NDUFS2: variants seen among roughly 807,000 people sequenced by gnomAD.
The protein encoded by NDUFS2 is NADH dehydrogenase [ubiquinone] iron-sulfur protein 2, mitochondrial.
A neutral mutation model predicts 69.6 loss-of-function variants in NDUFS2; 38 were observed. The observed-to-expected ratio is 0.55, with a 90% confidence interval of 0.42 to 0.72. The LOEUF is 0.72. Ranked by LOEUF, NDUFS2 falls within the 30% of genes least tolerant of loss-of-function variation. The pLI, the probability that NDUFS2 is intolerant of heterozygous loss-of-function variation, is 0.00. For missense variants in NDUFS2, 468 were observed against 595.0 expected (o/e 0.79, Z 2.22); for synonymous variants, 194 against 211.2 (o/e 0.92, Z 0.70).
chr1:161,213,483 G>GA lies in NDUFS2; in HGVS notation c.1212+9dup. On this transcript the variant is annotated intron_variant, in intron 11 of 13. Transcript: ENST00000676972. ...GCCATTGAGGCTCCCAAGGTAAGGA[G>GA]AGGAGGGGAAGGAAAAGACCATATG... 6.2e-7 allele frequency: 1 copy of GA among 1,606,638 alleles called. No individual in the cohort carries two copies. Among genetic ancestry groups the GA allele is most frequent in the Non-Finnish European group, 8.5e-7 (1 of 1,174,410 alleles).
At chr1:161,198,243 T>C (rs747170337), upstream of NDUFS2, 4 of 1,613,858 alleles carry the variant, frequency 2.5e-6, no homozygotes, top group Non-Finnish European at 3.4e-6. The surrounding 1 kb of genome is among the most constrained non-coding windows in gnomAD (Gnocchi z 4.7). Context: ...ATGGTGCCAG[T>C]CAGGTAGGTG....
intron 10 of NDUFS2, chr1:161,212,768 A>C: frequency 2.8e-6 from 1 of 358,670 alleles, no homozygotes; most frequent in African/African-American, 2.1e-5. Flanking sequence ...CATATTGGTC[A>C]GGGTGGTCTC....
At chr1:161,199,849 A>C, upstream of NDUFS2, among the ~76,000 whole-genome samples, 1 of 143,526 alleles carries the variant, frequency 7.0e-6, no homozygotes, top group South Asian at 2.3e-4. Flanking sequence ...CAAAGCCCAG[A>C]ACAGCCATTC....
intron 10 of NDUFS2, 121 bp downstream of exon 10, chr1:161,212,601 CTTA>C: frequency 1.5e-6 from 2 of 1,332,512 alleles, no homozygotes; most frequent in South Asian, 2.6e-5. Context: ...GAGTTTTACT[CTTA>C]TTGCCCAGAC....
At chr1:161,209,156 C>T in intron 3 of NDUFS2, 37 bp from the exon 4 acceptor site, 1 of 1,614,132 alleles carries the variant, frequency 6.2e-7, no homozygotes, top group Non-Finnish European at 8.5e-7. Context: ...GGCTCCTGAG[C>T]CTGTTAGATG....
In NDUFS2 at chr1:161,212,469, G is replaced by A. The variant is rs200509897; in HGVS notation, c.1105G>A (p.Ala369Thr). 1.9e-5 allele frequency: 30 copies of A among 1,613,310 alleles called. No individual in the cohort carries two copies. In the Admixed American group the frequency reaches 4.0e-4, roughly 22 times the overall value. The change falls in exon 10 of 14, where the codon GCA becomes ACA. Residue 369 changes from alanine (A) to threonine (T), a missense_variant. Physicochemically the swap from Ala to Thr is moderately conservative, Grantham distance 58 (BLOSUM62 0). Transcript: ENST00000676972. ...TGCCAAAGTGTCTCCACCTAAGCGA[G>A]CAGAGATGAAGGTTGGCTGCAGGGA... ...DDAKVSPPKRAEMKTSMESLI... is the reference protein window; with the variant it reads ...DDAKVSPPKRTEMKTSMESLI...
rs560331312 is a variant in NDUFS2 at position 161,212,258 on chromosome 1, C to G, written c.987-93C>G. 3 of 1,525,870 alleles carry G rather than the reference C, an allele frequency of 2.0e-6. No individual in the cohort carries two copies. The African/African-American group carries it at 4.1e-5, about 21-fold the overall frequency. 94.5% of individuals were successfully genotyped at this position (1,525,870 alleles called of 1,614,324 possible). A position where few individuals can be genotyped will look rare whatever the true frequency, so the allele number is the denominator to read the frequency against. On this transcript the variant is annotated intron_variant, in intron 9 of 13. Transcript: ENST00000676972. ...GGAGAAAAGAGTGGGGAGAGTTGAC[C>G]TAACCCTTTTGAGGTTGGCCAAAGG...
chr1:161,198,016 G>T (rs964508015), upstream of NDUFS2: 6 of 1,573,890 alleles, frequency 3.8e-6, no homozygotes, highest in African/African-American at 6.7e-5. The surrounding 1 kb of genome is among the most constrained non-coding windows in gnomAD (Gnocchi z 4.7). Context: ...GGGGTCTGGG[G>T]CTGGGGCTTC....
At chr1:161,208,286 T>C (rs1222341675) in intron 3 of NDUFS2, among the ~76,000 whole-genome samples, 1 of 147,932 alleles carries the variant, frequency 6.8e-6, no homozygotes, top group East Asian at 2.0e-4. Context: ...GCCTGACCAG[T>C]ATGTCAGTTT....
At chr1:161,198,575 C>G (rs745734284), upstream of NDUFS2, 15 of 1,551,198 alleles carry the variant, frequency 9.7e-6, no homozygotes, top group Non-Finnish European at 1.3e-5. The surrounding 1 kb of genome is among the most constrained non-coding windows in gnomAD (Gnocchi z 4.7). Flanking sequence ...TTGGGCTCCC[C>G]ACAGCCAGCG....
intron 3 of NDUFS2, among the ~76,000 whole-genome samples, chr1:161,207,304 C>A (rs977703625): frequency 2.0e-4 from 30 of 152,188 alleles, no homozygotes; most frequent in African/African-American, 5.6e-4. Context: ...TAGCATTAGC[C>A]CCCGTCACAG....
In NDUFS2 at chr1:161,209,879, T is replaced by A; in HGVS notation, c.650T>A (p.Val217Glu). Reference protein sequence around the residue: ...REKMFEFYERVSGARMHAAYI... With the variant: ...REKMFEFYERESGARMHAAYI... Reference sequence around the variant, plus strand: ...AAGATGTTTGAGTTCTACGAGCGAGTGTCTGGAGCCCGAATGCATGCTGCT... The same window carrying A: ...AAGATGTTTGAGTTCTACGAGCGAGAGTCTGGAGCCCGAATGCATGCTGCT... The change falls in exon 6 of 14, where the codon GTG (valine) becomes GAG (glutamate). Residue 217 changes from valine to glutamate, a missense_variant. Around this residue, in one of 3 missense-constraint regions of NDUFS2, gnomAD observed 339 missense variants for 433.8 expected, o/e 0.78. Coordinates refer to ENST00000676972, the MANE Select transcript of NDUFS2 (RefSeq NM_001377299.1). 6.2e-7 allele frequency: 1 copy of A among 1,613,864 alleles called. No homozygotes were observed. Among genetic ancestry groups the A allele is most frequent in the Non-Finnish European group, 8.5e-7 (1 of 1,179,990 alleles).
chr1:161,207,366 C>G (rs1188352723), intron 3 of NDUFS2, among the ~76,000 whole-genome samples: 2 of 152,178 alleles, frequency 1.3e-5, no homozygotes. Context: ...TTAGCTCCAC[C>G]CTCTTCCTGG....
intron 3 of NDUFS2, among the ~76,000 whole-genome samples, chr1:161,206,798 C>T (rs1253126590): frequency 6.6e-6 from 1 of 152,192 alleles, no homozygotes; most frequent in Non-Finnish European, 1.5e-5. Flanking sequence ...AGCAGCAGTG[C>T]TTTGAAGCTG....
chr1:161,212,163 T>C (rs1571620613), intron 9 of NDUFS2, among the ~76,000 whole-genome samples, 188 bp from the exon 10 acceptor site: 4 of 150,814 alleles, frequency 2.7e-5, no homozygotes, highest in Admixed American at 6.6e-5. Flanking sequence ...TGTGAAACCC[T>C]GTTTCAGAAA....
At chr1:161,212,867 T>TATA (rs775364647) in intron 10 of NDUFS2, among the ~76,000 whole-genome samples, 8 of 152,038 alleles carry the variant, frequency 5.3e-5, no homozygotes, top group Non-Finnish European at 1.2e-4. Context: ...TTTCTTTTAA[T>TATA]AGAGAATTTA....
At chr1:161,199,194 AG>A (rs1342607270), upstream of NDUFS2, 1 of 152,410 alleles carries the variant, frequency 6.6e-6, no homozygotes, top group Non-Finnish European at 1.5e-5. Flanking sequence ...GGACTTGCCC[AG>A]GGGAGGGGAA....
rs756146541 is a variant in NDUFS2 at position 161,206,431 on chromosome 1, T to C, written c.227T>C (p.Ile76Thr). The C allele has an allele frequency of 4.3e-6, 7 of 1,614,062 alleles. No homozygotes were observed. Among genetic ancestry groups the C allele is most frequent in the African/African-American group, 1.3e-5 (1 of 74,916 alleles). ...GATGTGGACCCTCCAAAGGACACAA[T>C]TGTGAAGAACATTACCCTGAACTTT... The part of the protein sequence containing the change: ...WNDVDPPKDT[I>T]VKNITLNFGP... The change falls in exon 3 of 14, where the codon ATT (isoleucine) becomes ACT (threonine). Residue 76 changes from isoleucine (I) to threonine (T), a missense_variant. Physicochemically the swap from Ile to Thr is moderately conservative, Grantham distance 89. Transcript: ENST00000676972.
At chr1:161,213,311 G>C (rs1571623238) in intron 10 of NDUFS2, 69 bp from the exon 11 acceptor site, 3 of 991,354 alleles carry the variant, frequency 3.0e-6, no homozygotes. Flanking sequence ...ATTATTTTCT[G>C]TGCTGGGGGA....
Sources: allele counts gnomAD v4.1 joint callset (sites outside exome capture counted in the v4.1 genomes callset), GRCh38; gene constraint gnomAD v4.1.1; regional missense constraint gnomAD v4.1.1; non-coding constraint Gnocchi (gnomAD v3.1); transcripts MANE v1.5; gene names NCBI Gene and HGNC (gene_info 2026-07-23, HGNC 2026-07-21).